Variants in CELF2 observed in about 807,000 individuals in gnomAD.
CELF2 encodes the protein CUG triplet repeat RNA-binding protein 2.
CELF2 carries 8 observed loss-of-function variants against 62.6 expected under a neutral mutation model. The observed-to-expected ratio is 0.13, with a 90% confidence interval of 0.07 to 0.23. The LOEUF is 0.23. Ranked by LOEUF, CELF2 falls within the 10% of genes least tolerant of loss-of-function variation. The pLI, the probability that CELF2 is intolerant of heterozygous loss-of-function variation, is 1.00. For synonymous variants in CELF2, 258 were observed against 250.0 expected, an observed-to-expected ratio of 1.03 and a Z score of -0.30; for missense variants, 333 against 671.0, an observed-to-expected ratio of 0.50 and a Z score of 5.56.
intron 1 of CELF2, among the ~76,000 whole-genome samples, chr10:10,845,015 A>G (rs1232878422): frequency 1.3e-5 from 2 of 152,102 alleles, no homozygotes; most frequent in South Asian, 2.1e-4. Flanking sequence ...GGTTTTAATT[A>G]TTTGCTCAAG....
the CELF2 span, among the ~76,000 whole-genome samples, chr10:10,545,676 GCACACTAAAATATACTATACACACACA>G: frequency 7.2e-5 from 11 of 151,800 alleles, no homozygotes; most frequent in East Asian, 1.2e-3. Context: ...GTACACACAC[GCACACTAAAATATACTATACACACACA>G]CACACAAATC....
intron 1 of CELF2, among the ~76,000 whole-genome samples, chr10:10,872,969 A>G (rs2060847882): frequency 6.6e-6 from 1 of 152,198 alleles, no homozygotes; most frequent in Non-Finnish European, 1.5e-5. Flanking sequence ...TGGTTAAAAT[A>G]AAACATAAAC....
the CELF2 span, among the ~76,000 whole-genome samples, chr10:10,504,962 G>A: frequency 2.6e-5 from 4 of 151,924 alleles, no homozygotes; most frequent in Admixed American, 6.6e-5. Context: ...ATTGCTTGTT[G>A]AAGTATTTTT....
At chr10:10,835,409 G>T (rs1248462325) in intron 1 of CELF2, among the ~76,000 whole-genome samples, 1 of 147,190 alleles carries the variant, frequency 6.8e-6, no homozygotes, top group Non-Finnish European at 1.5e-5. Flanking sequence ...CTGATATGAA[G>T]TTTTGCTCTG....
chr10:11,228,716 CGCAAA>C (rs1164685652), intron 3 of CELF2, among the ~76,000 whole-genome samples: 415 of 95,966 alleles, frequency 4.3e-3, no homozygotes, highest in Non-Finnish European at 5.7e-3. Context: ...CCGCGCCCCT[CGCAAA>C]AAAAAAAAAA....
At chr10:11,002,481 C>A (rs543840144), upstream of CELF2, among the ~76,000 whole-genome samples, 1 of 152,222 alleles carries the variant, frequency 6.6e-6, no homozygotes, top group Admixed American at 6.5e-5. The surrounding 1 kb of genome is among the most constrained non-coding windows in gnomAD (Gnocchi z 4.4). Context: ...GGCGAGTATG[C>A]GGATCTCTGT....
chr10:11,245,701 T>C (rs1475730811), intron 3 of CELF2, among the ~76,000 whole-genome samples: 2 of 152,168 alleles, frequency 1.3e-5, no homozygotes, highest in African/African-American at 2.4e-5. Flanking sequence ...AGTCTTGGTG[T>C]CATATGAGTC....
chr10:10,494,455 C>G, the CELF2 span, among the ~76,000 whole-genome samples: 3 of 152,222 alleles, frequency 2.0e-5, no homozygotes. Flanking sequence ...TACAAGTTCT[C>G]TTAATACTGT....
Position 10,983,137 on chromosome 10 carries a change from AT to A in CELF2, c.89+63147del, listed in dbSNP as rs936173737. On this transcript the variant is annotated intron_variant, in intron 2 of 13. Coordinates refer to the CELF2 transcript ENST00000636488. This position sits in a 1 kb window ranked among gnomAD's most constrained non-coding sequence, Gnocchi z 5.2. ...AAATAATTTAAGCTCTTTTTTCATT[AT>A]TTTTTTTTCAATTTTTCAGAAGGCA... 7.3e-5 allele frequency among the ~76,000 whole-genome samples: 11 copies of A among 150,302 alleles called. No homozygotes were observed. The highest frequency in any genetic ancestry group is 2.2e-4 in the African/African-American group (9 of 40,918).
intron 2 of CELF2, among the ~76,000 whole-genome samples, chr10:11,174,572 A>G (rs1052777306): frequency 1.3e-5 from 2 of 152,272 alleles, no homozygotes; most frequent in African/African-American, 4.8e-5. Flanking sequence ...CTGGAAGATC[A>G]TAAATAGGAA....
chr10:10,513,717 A>C, the CELF2 span, among the ~76,000 whole-genome samples: 1 of 152,238 alleles, frequency 6.6e-6, no homozygotes, highest in Non-Finnish European at 1.5e-5. Flanking sequence ...CTTTTTTAAA[A>C]GACTTTTAAC....
Position 11,159,439 on chromosome 10 carries a change from A to G in CELF2, c.75-6047A>G, listed in dbSNP as rs2065211898. On this transcript the variant is annotated intron_variant, in intron 1 of 12. Coordinates refer to ENST00000633077, the MANE Select transcript of CELF2 (RefSeq NM_001326342.2). The surrounding 1 kb of genome is among the most constrained non-coding windows in gnomAD (Gnocchi z 5.0). ...ATTTTAAAAGGGAGTTGCAATTCCC[A>G]GAGCTCTGGGTTGGATGACCACTGA... 6.6e-6 allele frequency among the ~76,000 whole-genome samples: 1 copy of G among 152,218 alleles called. No individual in the cohort carries two copies. The highest frequency in any genetic ancestry group is 1.5e-5 in the Non-Finnish European group (1 of 68,034).
At chr10:10,640,186 A>G in the CELF2 span, among the ~76,000 whole-genome samples, 1 of 152,330 alleles carries the variant, frequency 6.6e-6, no homozygotes, top group South Asian at 2.1e-4. Flanking sequence ...TATATTAAAC[A>G]CACCAAGGAT....
At chr10:10,486,553 T>G in the CELF2 span, among the ~76,000 whole-genome samples, 1 of 152,176 alleles carries the variant, frequency 6.6e-6, no homozygotes, top group East Asian at 1.9e-4. Flanking sequence ...TTCAGATTTT[T>G]GGCCTTTTAT....
rs2070701647 is a variant in CELF2 at position 11,235,165 on chromosome 10, A to G, written c.355-13988A>G. Among the ~76,000 whole-genome samples, 3 of 147,020 alleles carry G rather than the reference A, an allele frequency of 2.0e-5. No individual in the cohort carries two copies. In the South Asian group the frequency reaches 6.6e-4, roughly 32 times the overall value. Reference sequence around the variant, plus strand: ...AAAAACAAAACAGACATAAAGACAAAAAAAACAAAGCAAACATAAAGAGGC... The same window carrying G: ...AAAAACAAAACAGACATAAAGACAAGAAAAACAAAGCAAACATAAAGAGGC... On this transcript the variant is annotated intron_variant, in intron 3 of 12. Coordinates refer to ENST00000633077, the MANE Select transcript of CELF2 (RefSeq NM_001326342.2).
intron 1 of CELF2, among the ~76,000 whole-genome samples, chr10:10,829,962 C>T (rs1364043876): frequency 6.6e-6 from 1 of 152,156 alleles, no homozygotes. Flanking sequence ...CAGTAGCAAC[C>T]TGTAACCCCC....
chr10:10,940,258 T>A (rs2046906534), intron 2 of CELF2, among the ~76,000 whole-genome samples: 1 of 152,152 alleles, frequency 6.6e-6, no homozygotes, highest in African/African-American at 2.4e-5. Context: ...GTTTTGTTTG[T>A]TTTTTTACAA....
At chr10:10,987,473 G>T (rs2052906645) in intron 2 of CELF2, among the ~76,000 whole-genome samples, 1 of 151,958 alleles carries the variant, frequency 6.6e-6, no homozygotes, top group Non-Finnish European at 1.5e-5. Context: ...AAAATATCGA[G>T]ATATATTGTT....
the CELF2 span, among the ~76,000 whole-genome samples, chr10:10,641,445 C>A: frequency 3.3e-5 from 5 of 151,204 alleles, no homozygotes; most frequent in African/African-American, 1.2e-4. Flanking sequence ...TTTTTGTTTT[C>A]TTTTGTTTTT....
Sources: gnomAD v4.1 joint callset for allele counts (sites outside exome capture counted in the v4.1 genomes callset) on GRCh38, gnomAD v4.1.1 for gene constraint, Gnocchi (gnomAD v3.1) non-coding constraint, MANE v1.5 for transcripts, NCBI Gene and HGNC (gene_info 2026-07-23, HGNC 2026-07-21) for gene names.